Variants in KMT2C observed in about 807,000 individuals in gnomAD.
KMT2C encodes the protein histone-lysine N-methyltransferase 2C.
Under a neutral mutation model 507.9 loss-of-function variants are expected in KMT2C, and 88 were observed. That is an observed-to-expected ratio of 0.17 (90% CI 0.15 to 0.21). KMT2C has a LOEUF of 0.21. Among genes scored for constraint, KMT2C ranks in the 10% least tolerant of loss-of-function variants. KMT2C has a pLI of 1.00. For missense variants in KMT2C, 4,954 were observed against 5,957.8 expected, an observed-to-expected ratio of 0.83 and a Z score of 5.55; for synonymous variants, 2,049 against 2,080.8, an observed-to-expected ratio of 0.98 and a Z score of 0.42.
chr7:152,280,627 C>A (rs1235706415), intron 6 of KMT2C, among the ~76,000 whole-genome samples: 1 of 152,154 alleles, frequency 6.6e-6, no homozygotes, highest in Non-Finnish European at 1.5e-5. Context: ...GAAGAGGATT[C>A]ACCCCCAGAG....
At position 152,176,510 on chromosome 7, in the gene KMT2C, A is replaced by G. The variant is rs150519030; in HGVS notation, c.8943T>C (p.His2981=). 1.3e-3 allele frequency: 2,148 copies of G among 1,614,148 alleles called. 5 individuals are homozygous for G. Among genetic ancestry groups the G allele is most frequent in the Admixed American group, 4.9e-3 (297 of 60,030 alleles). ...TTACCTGCACACCCTGAGAAAAAAC[A>G]TGGTTTACCCTAGAGACTACTGTCA... ...SNVTVVSRVN[H]VFSQGVQVNP... Residue 2981 remains histidine (H), a synonymous_variant, in exon 38 of 59, where the codon CAT becomes CAC. Coordinates refer to ENST00000262189, the MANE Select transcript of KMT2C (RefSeq NM_170606.3).
intron 1 of KMT2C, among the ~76,000 whole-genome samples, chr7:152,371,771 ACCTGGCT>A (rs2097295427): frequency 6.6e-6 from 1 of 151,926 alleles, no homozygotes; most frequent in African/African-American, 2.4e-5. Flanking sequence ...ATGCCACCAC[ACCTGGCT>A]AATTTTTGTA....
chr7:152,364,609 C>CAAAAAAAAAAAAA lies in KMT2C; in HGVS notation c.162-5935_162-5934insTTTTTTTTTTTTT, dbSNP rs568794506. 6.6e-3 allele frequency among the ~76,000 whole-genome samples: 599 copies of CAAAAAAAAAAAAA among 90,482 alleles called. 24 individuals are homozygous for CAAAAAAAAAAAAA. Among genetic ancestry groups the CAAAAAAAAAAAAA allele is most frequent in the African/African-American group, 0.028 (574 of 20,274 alleles). 59.4% of individuals were successfully genotyped at this position (90,482 alleles called of 152,430 possible). On this transcript the variant is annotated intron_variant, in intron 1 of 58. Transcript: ENST00000262189. ...GGGTGACAGAGCGAGACTCCGTCTC[C>CAAAAAAAAAAAAA]AAAAAAAAAAAGAAAAGAAAAAAAG...
At chr7:152,296,659 A>T (rs1320934151) in intron 6 of KMT2C, among the ~76,000 whole-genome samples, 7 of 152,096 alleles carry the variant, frequency 4.6e-5, no homozygotes, top group Non-Finnish European at 5.9e-5. Flanking sequence ...ATGCACCAAG[A>T]AAAGATGTTA....
intron 31 of KMT2C, among the ~76,000 whole-genome samples, chr7:152,191,466 T>C (rs2093790548): frequency 6.6e-6 from 1 of 152,228 alleles, no homozygotes. Flanking sequence ...CTCTCGTATC[T>C]ATTCCTTCCT....
At chr7:152,368,979 T>C (rs763589672) in intron 1 of KMT2C, among the ~76,000 whole-genome samples, 11 of 151,924 alleles carry the variant, frequency 7.2e-5, no homozygotes, top group African/African-American at 1.9e-4. Flanking sequence ...CGTGGTTTGA[T>C]TGTTTACAGC....
intron 2 of KMT2C, among the ~76,000 whole-genome samples, chr7:152,356,303 A>G (rs1260140901): frequency 6.6e-6 from 1 of 152,162 alleles, no homozygotes; most frequent in African/African-American, 2.4e-5. Flanking sequence ...GGCCGGGCAT[A>G]GTGGCTCACG....
chr7:152,297,372 A>T (rs1445439006), intron 6 of KMT2C, among the ~76,000 whole-genome samples: 1 of 152,188 alleles, frequency 6.6e-6, no homozygotes, highest in Non-Finnish European at 1.5e-5. Flanking sequence ...GTTGCATAGA[A>T]AAGAACCCCA....
intron 35 of KMT2C, 52 bp downstream of exon 35, chr7:152,182,922 T>C: frequency 1.5e-6 from 2 of 1,369,666 alleles, no homozygotes; most frequent in Middle Eastern, 1.9e-4. Context: ...AGACCTCCCT[T>C]CTCAAAACAA....
chr7:152,284,840 C>CA (rs1456297182), intron 6 of KMT2C, among the ~76,000 whole-genome samples: 1 of 152,176 alleles, frequency 6.6e-6, no homozygotes, highest in Non-Finnish European at 1.5e-5. Context: ...TCAGGGAATG[C>CA]AAAATCAAAC....
chr7:152,374,955 T>C (rs2097317243), intron 1 of KMT2C, among the ~76,000 whole-genome samples: 2 of 151,588 alleles, frequency 1.3e-5, no homozygotes, highest in Admixed American at 6.6e-5. Flanking sequence ...TTTTCAGAAC[T>C]CCTCGATTAA....
In KMT2C at chr7:152,414,209, C is replaced by CA. The variant is rs142576046; in HGVS notation, c.161+21416dup. Among the ~76,000 whole-genome samples the CA allele has an allele frequency of 6.5e-3, 670 of 103,342 alleles. 7 individuals are homozygous for CA. The highest frequency in any genetic ancestry group is 0.04 in the East Asian group (149 of 3,702). 67.8% of individuals were successfully genotyped at this position (103,342 alleles called of 152,430 possible). A position where few individuals can be genotyped will look rare whatever the true frequency, so the allele number is the denominator to read the frequency against. On this transcript the variant is annotated intron_variant, in intron 1 of 58. Transcript: ENST00000262189. The stretch of plus-strand genomic sequence containing the variant: ...TGGGCGACATAGTGAGACTCTGTTT[C>CA]AAAAAAAAAAAAAAATGCATATGAA...
At chr7:152,411,613 GGATTTCTCCAAAGCCCA>G (rs2097685196) in intron 1 of KMT2C, among the ~76,000 whole-genome samples, 1 of 152,134 alleles carries the variant, frequency 6.6e-6, no homozygotes, top group South Asian at 2.1e-4. Context: ...AAGGTGGGAT[GGATTTCTCCAAAGCCCA>G]GATCAGGGAC....
intron 41 of KMT2C, among the ~76,000 whole-genome samples, chr7:152,168,417 A>G (rs138237275): frequency 2.0e-5 from 3 of 152,328 alleles, no homozygotes; most frequent in Non-Finnish European, 4.4e-5. Flanking sequence ...GGAATTTCAA[A>G]AGGTCAGACT....
Position 152,252,602 on chromosome 7 carries a change from C to G in KMT2C, c.1413G>C (p.Gly471=), listed in dbSNP as rs760422477. The change falls in exon 10 of 59, where the codon GGG becomes GGC. Residue 471 remains glycine, a synonymous_variant. Transcript: ENST00000262189. ...QQQDNLCPFC[G]KCYHPELQKD... ...TCTGCAATTCTGGATGATAACACTT[C>G]CCACAGAAGGGACATAAGTTATCCT... is the stretch of plus-strand genomic sequence containing the variant. The G allele has an allele frequency of 6.2e-7, 1 of 1,613,596 alleles. No homozygotes were observed.
In KMT2C at chr7:152,136,446, G is replaced by C. The variant is rs2089881089; in HGVS notation, c.*386C>G. The C allele has an allele frequency of 4.0e-6, 1 of 252,494 alleles. No homozygotes were observed. The highest frequency in any genetic ancestry group is 7.7e-6 in the Non-Finnish European group (1 of 130,434). 15.6% of individuals were successfully genotyped at this position (252,494 alleles called of 1,614,324 possible). ...ACATTCATAGGAAGGCCCCTGCCCG[G>C]GGCAGGGCAGCCATCGGCTCTTTGC... On this transcript the variant is annotated 3_prime_UTR_variant, in exon 59 of 59. Transcript: ENST00000262189.
At position 152,182,242 on chromosome 7, in the gene KMT2C, G is replaced by A. The variant is rs748476767; in HGVS notation, c.5618C>T (p.Thr1873Ile). Residue 1873 changes from threonine to isoleucine, a missense_variant, in exon 36 of 59, where the codon ACT (threonine) becomes ATT (isoleucine). Thr to Ile is a moderately conservative substitution (Grantham distance 89). This residue lies in a region of KMT2C where 1,689 missense variants were observed against 1,654.3 expected (regional missense o/e 1.02). Transcript: ENST00000262189. ...CACTTGCGGTGAGGGTGGCTGAGAAGTCTGAGCCTGAGAAAGACTATCCTG... is the reference window on the plus strand; with the variant it reads ...CACTTGCGGTGAGGGTGGCTGAGAAATCTGAGCCTGAGAAAGACTATCCTG... The part of the protein sequence containing the change: ...PIQDSLSQAQ[T>I]SQPPSPQVFS... The A allele has an allele frequency of 1.1e-5, 18 of 1,613,960 alleles. No homozygotes were observed. The highest frequency in any genetic ancestry group is 1.6e-4 in the Middle Eastern group (1 of 6,082).
In KMT2C at chr7:152,252,048, C is replaced by T. The variant is rs1214644147; in HGVS notation, c.1512G>A (p.Leu504=). 6.8e-6 allele frequency: 11 copies of T among 1,611,804 alleles called. No individual in the cohort carries two copies. The highest frequency in any genetic ancestry group is 2.7e-5 in the African/African-American group (2 of 74,954). ...LECDKPTDHE[L]DTQLKEEYIC... is the part of the protein sequence containing the mutation. Reference sequence around the variant, plus strand: ...TATACTCTTCTTTGAGCTGAGTATCCAGTTCATGATCTGTTGGTTTGTCAC... The same window carrying T: ...TATACTCTTCTTTGAGCTGAGTATCTAGTTCATGATCTGTTGGTTTGTCAC... Residue 504 remains leucine, a synonymous_variant, in exon 11 of 59, where the codon CTG becomes CTA. Transcript: ENST00000262189.
At chr7:152,255,730 T>G (rs2095650216) in intron 9 of KMT2C, among the ~76,000 whole-genome samples, 2 of 152,186 alleles carry the variant, frequency 1.3e-5, no homozygotes, top group African/African-American at 4.8e-5. Context: ...AATCTAACAT[T>G]GTAGTCTGGA....
Sources: allele counts gnomAD v4.1 joint callset (sites outside exome capture counted in the v4.1 genomes callset), GRCh38; gene constraint gnomAD v4.1.1; regional missense constraint gnomAD v4.1.1; transcripts MANE v1.5; gene names NCBI Gene and HGNC (gene_info 2026-07-23, HGNC 2026-07-21).